CEP170: variants seen among roughly 807,000 people sequenced by gnomAD.
The protein encoded by CEP170 is centrosomal protein 170.
In CEP170, 21 loss-of-function variants were observed where a neutral mutation model predicts 151.9. That is an observed-to-expected ratio of 0.14 (90% CI 0.10 to 0.20). The LOEUF is 0.20. CEP170 is among the 10% of genes least tolerant of loss of function. The probability of loss-of-function intolerance (pLI) is 1.00; values close to 1 mark genes in which losing one functional copy is unlikely to be tolerated. For missense variants in CEP170, 964 were observed against 1,892.9 expected, an observed-to-expected ratio of 0.51 and a Z score of 9.11; for synonymous variants, 356 against 648.8, an observed-to-expected ratio of 0.55 and a Z score of 6.86.
At chr1:243,235,838 A>T (rs766853174) in intron 1 of CEP170, among the ~76,000 whole-genome samples, 24 of 152,210 alleles carry the variant, frequency 1.6e-4, no homozygotes, top group African/African-American at 3.9e-4. Context: ...ATTTCTTCAT[A>T]AAAAACATTC....
intron 14 of CEP170, among the ~76,000 whole-genome samples, chr1:243,152,065 A>G (rs2057134311): frequency 6.6e-6 from 1 of 152,172 alleles, no homozygotes; most frequent in South Asian, 2.1e-4. Flanking sequence ...GTAGAGACAT[A>G]CTGCTCAGAA....
chr1:243,177,091 A>C (rs2059303996), intron 10 of CEP170, among the ~76,000 whole-genome samples: 1 of 152,222 alleles, frequency 6.6e-6, no homozygotes, highest in African/African-American at 2.4e-5. Flanking sequence ...TACAGGGTCA[A>C]CTTTCATGCA....
chr1:243,166,400 T>C (rs1449085227), intron 12 of CEP170: 3 of 359,222 alleles, frequency 8.4e-6, no homozygotes, highest in Non-Finnish European at 1.5e-5. Flanking sequence ...CTGTATTGCT[T>C]AGTGAATAAG....
At chr1:243,187,810 G>T (rs1431502558) in intron 8 of CEP170, among the ~76,000 whole-genome samples, 2 of 152,170 alleles carry the variant, frequency 1.3e-5, no homozygotes, top group Non-Finnish European at 2.9e-5. Context: ...AGACACAGAA[G>T]AGAGAACTGC....
chr1:243,217,484 G>A (rs2062405077), intron 3 of CEP170, among the ~76,000 whole-genome samples: 1 of 152,162 alleles, frequency 6.6e-6, no homozygotes, highest in Non-Finnish European at 1.5e-5. Context: ...GTTGTGTGTT[G>A]AACATGTGTA....
intron 1 of CEP170, among the ~76,000 whole-genome samples, chr1:243,233,741 A>AAAAAAAAAAT (rs1367723157): frequency 7.1e-6 from 1 of 140,412 alleles, no homozygotes; most frequent in African/African-American, 2.6e-5. Flanking sequence ...TCAAAAAAAA[A>AAAAAAAAAAT]ATATATATAT....
chr1:243,198,825 A>G (rs2060828794), intron 7 of CEP170, among the ~76,000 whole-genome samples: 1 of 151,606 alleles, frequency 6.6e-6, no homozygotes, highest in Non-Finnish European at 1.5e-5. Flanking sequence ...AACTGTAAAA[A>G]ATATTTTAAA....
chr1:243,137,451 G>A (rs1321143869), intron 16 of CEP170, among the ~76,000 whole-genome samples: 2 of 152,126 alleles, frequency 1.3e-5, no homozygotes, highest in African/African-American at 2.4e-5. Context: ...AACAAGAGAC[G>A]TTCACATAAA....
chr1:243,220,409 GA>G (rs201719197), intron 3 of CEP170, among the ~76,000 whole-genome samples: 14 of 146,302 alleles, frequency 9.6e-5, no homozygotes, highest in Admixed American at 2.7e-4. Context: ...CATGCTTTGA[GA>G]AAAAAAAATG....
intron 17 of CEP170, among the ~76,000 whole-genome samples, chr1:243,135,536 A>C (rs1015659796): frequency 4.6e-5 from 7 of 152,182 alleles, no homozygotes; most frequent in Admixed American, 4.6e-4. Flanking sequence ...ATACAGGCTC[A>C]AGATAAAAAG....
chr1:243,136,580 C>G (rs2055108515), intron 16 of CEP170, among the ~76,000 whole-genome samples: 2 of 152,226 alleles, frequency 1.3e-5, no homozygotes, highest in South Asian at 4.1e-4. Context: ...ATACAAATAA[C>G]TTAGAGTACT....
intron 1 of CEP170, among the ~76,000 whole-genome samples, chr1:243,227,919 T>A (rs1466267754): frequency 2.6e-5 from 4 of 152,170 alleles, no homozygotes; most frequent in Non-Finnish European, 1.5e-5. Flanking sequence ...CAGATGTGAG[T>A]CTGAATCCTG....
intron 1 of CEP170, among the ~76,000 whole-genome samples, chr1:243,237,520 T>C (rs373019082): frequency 6.6e-6 from 1 of 152,334 alleles, no homozygotes; most frequent in Admixed American, 6.5e-5. Context: ...ACATGCAGAA[T>C]AGCTGATAAA....
chr1:243,172,992 A>C, intron 10 of CEP170, 146 bp from the exon 11 acceptor site: 1 of 995,240 alleles, frequency 1.0e-6, no homozygotes. Context: ...AAACTTCTTG[A>C]ATGACAGTAA....
At chr1:243,191,902 G>A (rs10926961) in intron 7 of CEP170, among the ~76,000 whole-genome samples, 42,321 of 151,902 alleles carry the variant, frequency 0.28, 6,196 homozygotes, top group South Asian at 0.42. Context: ...TTCTCAAGTC[G>A]CCAAGATGAG....
At chr1:243,152,273 G>C (rs1299964536) in intron 14 of CEP170, among the ~76,000 whole-genome samples, 1 of 150,658 alleles carries the variant, frequency 6.6e-6, no homozygotes, top group Non-Finnish European at 1.5e-5. Flanking sequence ...CCAGGCTGGA[G>C]TGCAGTGGCG....
intron 10 of CEP170, among the ~76,000 whole-genome samples, chr1:243,179,078 C>T (rs2059450037): frequency 1.3e-5 from 2 of 152,274 alleles, no homozygotes; most frequent in East Asian, 3.9e-4. Flanking sequence ...TTTGTCTTCC[C>T]TCTTAACCTA....
At chr1:243,129,301 C>T in intron 18 of CEP170, 59 bp downstream of exon 18, 2 of 1,384,116 alleles carry the variant, frequency 1.4e-6, no homozygotes, top group Non-Finnish European at 1.9e-6. Context: ...AAATAAGGGT[C>T]TTTTCCTTAA....
chr1:243,227,927 C>G (rs1191198540), intron 1 of CEP170, among the ~76,000 whole-genome samples: 1 of 152,200 alleles, frequency 6.6e-6, no homozygotes, highest in African/African-American at 2.4e-5. Flanking sequence ...AGTCTGAATC[C>G]TGGTTCCACC....
Sources: allele counts gnomAD v4.1 joint callset (sites outside exome capture counted in the v4.1 genomes callset), GRCh38; gene constraint gnomAD v4.1.1; transcripts MANE v1.5; gene names NCBI Gene and HGNC (gene_info 2026-07-23, HGNC 2026-07-21).